APLF: variants seen among roughly 807,000 people sequenced by gnomAD.
APLF encodes the protein aprataxin and PNK-like factor.
In APLF, 61 loss-of-function variants were observed where a neutral mutation model predicts 55.6. The observed-to-expected ratio is 1.10, with a 90% confidence interval of 0.89 to 1.36. APLF has a LOEUF of 1.36. Ranked by LOEUF, APLF falls within the 40% of genes most tolerant of loss-of-function variation. The pLI is 0.00. For missense variants in APLF, 611 were observed against 602.5 expected (o/e 1.01, Z -0.15); for synonymous variants, 207 against 214.8 (o/e 0.96, Z 0.32).
chr2:68,544,735 A>C (rs1428838686), intron 7 of APLF, among the ~76,000 whole-genome samples: 1 of 152,202 alleles, frequency 6.6e-6, no homozygotes, highest in Non-Finnish European at 1.5e-5. Context: ...TTTGCGTAGT[A>C]AATGGATTTA....
intron 3 of APLF, among the ~76,000 whole-genome samples, chr2:68,510,333 TGCAAAG>T (rs1677007718): frequency 6.6e-6 from 1 of 151,822 alleles, no homozygotes; most frequent in African/African-American, 2.4e-5. Flanking sequence ...TCCTCAACAA[TGCAAAG>T]GCAAACAACC....
intron 6 of APLF, among the ~76,000 whole-genome samples, chr2:68,531,607 A>C (rs1670258867): frequency 6.6e-6 from 1 of 152,202 alleles, no homozygotes; most frequent in East Asian, 1.9e-4. Context: ...TTTCTGGCTC[A>C]CATATATTTT....
intron 8 of APLF, among the ~76,000 whole-genome samples, chr2:68,566,393 A>G (rs1671311103): frequency 1.3e-5 from 2 of 151,870 alleles, no homozygotes; most frequent in South Asian, 2.1e-4. Context: ...CTGCCCCCAG[A>G]CTCTGTCTCC....
At chr2:68,479,027 G>T (rs1052876662) in intron 1 of APLF, among the ~76,000 whole-genome samples, 7 of 152,162 alleles carry the variant, frequency 4.6e-5, no homozygotes, top group Non-Finnish European at 8.8e-5. Flanking sequence ...CTGCCTTTTA[G>T]AATTCTTTTG....
chr2:68,551,779 G>C (rs924451279), intron 8 of APLF, among the ~76,000 whole-genome samples: 8 of 148,340 alleles, frequency 5.4e-5, no homozygotes, highest in Non-Finnish European at 8.9e-5. Flanking sequence ...TGATTGTTGG[G>C]TCATATTTTT....
At chr2:68,542,906 A>G (rs1490330218) in intron 7 of APLF, among the ~76,000 whole-genome samples, 2 of 152,222 alleles carry the variant, frequency 1.3e-5, no homozygotes, top group Non-Finnish European at 2.9e-5. Flanking sequence ...ATGTCCATCA[A>G]TTATTGAAGG....
At chr2:68,474,114 G>C (rs375693413) in intron 1 of APLF, among the ~76,000 whole-genome samples, 10 of 152,310 alleles carry the variant, frequency 6.6e-5, no homozygotes, top group African/African-American at 2.2e-4. Context: ...TACAGATGAG[G>C]AGATGCATAG....
At chr2:68,493,119 A>C (rs1676421566) in intron 2 of APLF, among the ~76,000 whole-genome samples, 2 of 152,160 alleles carry the variant, frequency 1.3e-5, no homozygotes, top group Admixed American at 1.3e-4. Context: ...TCTTTTCTTT[A>C]AAAAAATTTC....
At chr2:68,559,553 C>T (rs543907074) in intron 8 of APLF, among the ~76,000 whole-genome samples, 1 of 152,270 alleles carries the variant, frequency 6.6e-6, no homozygotes, top group South Asian at 2.1e-4. Context: ...CTCCACCATT[C>T]ACATAGTATT....
chr2:68,534,531 G>A (rs963433878), intron 6 of APLF, among the ~76,000 whole-genome samples: 2 of 152,146 alleles, frequency 1.3e-5, no homozygotes, highest in Admixed American at 6.5e-5. Flanking sequence ...TGGCTTGTTT[G>A]AGAAGTTAAC....
chr2:68,487,848 ATGTC>A (rs961226241), intron 1 of APLF, among the ~76,000 whole-genome samples: 1 of 152,194 alleles, frequency 6.6e-6, no homozygotes, highest in Non-Finnish European at 1.5e-5. Context: ...AACACTATAA[ATGTC>A]TGAGTGATGT....
rs113899164 is a variant in APLF at position 68,475,093 on chromosome 2, G to A, written c.96+7266G>A. Reference sequence around the variant, plus strand: ...GTCTTTAAGAAATGTCTGCTGAACCGAACTGAATAAGCAAAATAACTACTT... The same window carrying A: ...GTCTTTAAGAAATGTCTGCTGAACCAAACTGAATAAGCAAAATAACTACTT... On this transcript the variant is annotated intron_variant, in intron 1 of 9. Coordinates refer to ENST00000303795, the MANE Select transcript of APLF (RefSeq NM_173545.3). 6.6e-5 allele frequency among the ~76,000 whole-genome samples: 10 copies of A among 152,308 alleles called. 1 individual carries two copies. Among genetic ancestry groups the A allele is most frequent in the African/African-American group, 2.2e-4 (9 of 41,560 alleles).
chr2:68,519,003 TATTAATATATAATAATATATAATATATG>T (rs1427579033), intron 5 of APLF, among the ~76,000 whole-genome samples: 2 of 114,504 alleles, frequency 1.7e-5, no homozygotes, highest in South Asian at 2.2e-4. Flanking sequence ...GATAATATAT[TATTAATATATAATAATATATAATATATG>T]ATTAATATAT....
At chr2:68,530,451 G>A (rs1209320489) in intron 6 of APLF, among the ~76,000 whole-genome samples, 2 of 152,062 alleles carry the variant, frequency 1.3e-5, no homozygotes, top group Admixed American at 6.6e-5. Context: ...CACCCCAGAT[G>A]TTCTTTCTCG....
At chr2:68,525,742 CTTTTTTTTTTT>C (rs386390398) in intron 5 of APLF, among the ~76,000 whole-genome samples, 23 of 82,036 alleles carry the variant, frequency 2.8e-4, no homozygotes, top group Non-Finnish European at 4.4e-4. Context: ...TTCTTTCTTT[CTTTTTTTTTTT>C]TTTTTTTTTT....
intron 2 of APLF, among the ~76,000 whole-genome samples, chr2:68,495,800 G>T (rs1318498748): frequency 1.3e-5 from 2 of 152,246 alleles, no homozygotes; most frequent in African/African-American, 2.4e-5. Context: ...CTTGCACTCT[G>T]TGTACCCACA....
intron 2 of APLF, among the ~76,000 whole-genome samples, chr2:68,493,241 A>AT (rs1291040394): frequency 6.6e-6 from 1 of 152,190 alleles, no homozygotes; most frequent in Non-Finnish European, 1.5e-5. Flanking sequence ...GTATGTGGAA[A>AT]TTTGACTGGG....
In APLF at chr2:68,489,131, C is replaced by T. The variant is rs139925184; in HGVS notation, c.97-1059C>T. 6.8e-3 allele frequency among the ~76,000 whole-genome samples: 1,039 copies of T among 152,156 alleles called. 9 individuals are homozygous for T. Among genetic ancestry groups the T allele is most frequent in the Non-Finnish European group, 9.3e-3 (632 of 67,996 alleles). On this transcript the variant is annotated intron_variant, in intron 1 of 9. Coordinates refer to ENST00000303795, the MANE Select transcript of APLF (RefSeq NM_173545.3). Reference sequence around the variant, plus strand: ...AAATTCATTCATGTGATACTCATTCCGATGCTTGATATTACTGTCTATATG... The same window carrying T: ...AAATTCATTCATGTGATACTCATTCTGATGCTTGATATTACTGTCTATATG...
intron 7 of APLF, among the ~76,000 whole-genome samples, chr2:68,543,086 T>G (rs751137084): frequency 1.3e-5 from 2 of 152,128 alleles, no homozygotes; most frequent in Non-Finnish European, 2.9e-5. Context: ...AGGAGGTATC[T>G]AGAGTAGTTA....
Sources: gnomAD v4.1 joint callset for allele counts (sites outside exome capture counted in the v4.1 genomes callset) on GRCh38, gnomAD v4.1.1 for gene constraint, MANE v1.5 for transcripts, NCBI Gene and HGNC (gene_info 2026-07-23, HGNC 2026-07-21) for gene names.